The following RNF150 variants were observed in gnomAD, a reference collection of about 807,000 sequenced individuals.
The protein encoded by RNF150 is ring finger protein 150.
Under a neutral mutation model 39.3 loss-of-function variants are expected in RNF150, and 24 were observed. That is an observed-to-expected ratio of 0.61 (90% CI 0.44 to 0.86). RNF150 has a LOEUF of 0.86. Among genes scored for constraint, RNF150 ranks in the 40% least tolerant of loss-of-function variants. The pLI is 0.00. For synonymous variants in RNF150, 255 were observed against 227.3 expected, an observed-to-expected ratio of 1.12 and a Z score of -1.10; for missense variants, 502 against 587.8, an observed-to-expected ratio of 0.85 and a Z score of 1.51.
chr4:141,171,273 G>A (rs1302704714), intron 1 of RNF150, among the ~76,000 whole-genome samples: 1 of 152,192 alleles, frequency 6.6e-6, no homozygotes, highest in African/African-American at 2.4e-5. Flanking sequence ...ATCTTCTCAT[G>A]CTTCCCTGAG....
At chr4:140,935,874 C>T (rs1731846933) in intron 4 of RNF150, among the ~76,000 whole-genome samples, 1 of 152,148 alleles carries the variant, frequency 6.6e-6, no homozygotes, top group African/African-American at 2.4e-5. Flanking sequence ...TGTTTACGTA[C>T]ATACCACCCA....
chr4:140,919,408 C>G (rs1249375150), intron 5 of RNF150, among the ~76,000 whole-genome samples: 8 of 135,748 alleles, frequency 5.9e-5, no homozygotes, highest in East Asian at 2.4e-4. Context: ...AAACAGAGAG[C>G]CAAATCATGA....
rs540126764 is a variant in RNF150 at position 141,093,659 on chromosome 4, A to C, written c.484+38666T>G. Among the ~76,000 whole-genome samples the C allele has an allele frequency of 2.0e-5, 3 of 152,320 alleles. No homozygotes were observed. The East Asian group carries it at 5.8e-4, about 29-fold the overall frequency. On this transcript the variant is annotated intron_variant, in intron 1 of 6. Coordinates refer to ENST00000515673, the MANE Select transcript of RNF150 (RefSeq NM_020724.2). ...TCCTGGGTAGTACATCAAGGCTTTC[A>C]GCAGAAGCAAATCCATATTCTCCTA... is the stretch of plus-strand genomic sequence containing the variant.
intron 1 of RNF150, among the ~76,000 whole-genome samples, chr4:141,088,158 G>C (rs1246861761): frequency 1.3e-5 from 2 of 152,126 alleles, no homozygotes; most frequent in Admixed American, 1.3e-4. Context: ...TGAATTGTAA[G>C]GATCAAATAT....
chr4:141,089,498 G>A (rs544813732), intron 1 of RNF150, among the ~76,000 whole-genome samples: 1 of 152,276 alleles, frequency 6.6e-6, no homozygotes, highest in South Asian at 2.1e-4. Flanking sequence ...TACGACTTGT[G>A]TCAAGAAAAC....
chr4:141,085,631 C>G (rs139433861), intron 1 of RNF150, among the ~76,000 whole-genome samples: 7 of 152,328 alleles, frequency 4.6e-5, no homozygotes, highest in Non-Finnish European at 2.9e-5. Flanking sequence ...CCACTATGCT[C>G]TGTCCAAATT....
At chr4:141,155,969 A>G (rs1225908711) in intron 1 of RNF150, among the ~76,000 whole-genome samples, 3 of 151,912 alleles carry the variant, frequency 2.0e-5, no homozygotes, top group East Asian at 3.9e-4. Flanking sequence ...GGTGAGCCTG[A>G]CCTTCCATCC....
intron 1 of RNF150, among the ~76,000 whole-genome samples, chr4:141,110,255 C>T (rs1435631885): frequency 1.3e-5 from 2 of 152,166 alleles, no homozygotes; most frequent in Non-Finnish European, 2.9e-5. Flanking sequence ...AGAGAAGGCA[C>T]CAGCAGACCC....
intron 4 of RNF150, among the ~76,000 whole-genome samples, chr4:140,936,374 G>GT (rs1156932697): frequency 6.6e-6 from 1 of 152,136 alleles, no homozygotes; most frequent in Non-Finnish European, 1.5e-5. Flanking sequence ...TTCCAAAGCT[G>GT]TTGTGCTATT....
intron 1 of RNF150, among the ~76,000 whole-genome samples, chr4:141,057,539 C>T (rs1399452255): frequency 1.3e-5 from 2 of 151,996 alleles, no homozygotes; most frequent in Non-Finnish European, 2.9e-5. Flanking sequence ...TTTCATCTCC[C>T]ACCTCCCCAA....
intron 5 of RNF150, among the ~76,000 whole-genome samples, chr4:140,912,755 A>G (rs1451175535): frequency 1.3e-5 from 2 of 152,160 alleles, no homozygotes; most frequent in Non-Finnish European, 2.9e-5. Context: ...CTCTAGCTAT[A>G]TTGGAAGTGA....
chr4:140,863,876 A>G lies in RNF150; in HGVS notation c.*4385T>C, dbSNP rs1369351400. The G allele has an allele frequency of 6.6e-6, 1 of 152,180 alleles. No individual in the cohort carries two copies. The highest frequency in any genetic ancestry group is 1.5e-5 in the Non-Finnish European group (1 of 68,038). 9.4% of individuals were successfully genotyped at this position (152,180 alleles called of 1,614,324 possible). On this transcript the variant is annotated 3_prime_UTR_variant, in exon 7 of 7. Transcript: ENST00000515673. ...AGGGTGATACATTCAATGGATAACT[A>G]AATGTCATTTAATTTTTTATGCTCT... is the stretch of plus-strand genomic sequence containing the variant.
At chr4:141,211,528 G>A (rs1287133410) in intron 1 of RNF150, among the ~76,000 whole-genome samples, 3 of 152,086 alleles carry the variant, frequency 2.0e-5, no homozygotes, top group African/African-American at 7.2e-5. Context: ...TTTCTTCCAA[G>A]TACAACCATT....
At chr4:141,150,788 A>T (rs1159617746) in intron 1 of RNF150, among the ~76,000 whole-genome samples, 1 of 152,312 alleles carries the variant, frequency 6.6e-6, no homozygotes, top group Non-Finnish European at 1.5e-5. Context: ...TTTCATCCAC[A>T]TTCTTTATTT....
intron 1 of RNF150, among the ~76,000 whole-genome samples, chr4:141,083,173 G>C (rs1172752220): frequency 6.6e-6 from 1 of 152,086 alleles, no homozygotes; most frequent in Non-Finnish European, 1.5e-5. Flanking sequence ...CCAAATAATA[G>C]TACTACATAA....
intron 1 of RNF150, among the ~76,000 whole-genome samples, chr4:141,204,763 T>C (rs1728345869): frequency 6.6e-6 from 1 of 152,234 alleles, no homozygotes; most frequent in Non-Finnish European, 1.5e-5. Flanking sequence ...TTATGCTTTT[T>C]TGCACATTTT....
At chr4:141,059,322 A>G (rs1027239930) in intron 1 of RNF150, among the ~76,000 whole-genome samples, 9 of 152,232 alleles carry the variant, frequency 5.9e-5, no homozygotes, top group East Asian at 1.9e-4. Context: ...ACACATTCCA[A>G]TGATTTTGGT....
intron 1 of RNF150, among the ~76,000 whole-genome samples, chr4:141,108,700 A>G (rs1042253242): frequency 1.3e-5 from 2 of 152,192 alleles, no homozygotes; most frequent in African/African-American, 4.8e-5. Context: ...TGAGTGCCAT[A>G]TTTATCCCTA....
At chr4:141,067,886 G>T (rs1384489506) in intron 1 of RNF150, among the ~76,000 whole-genome samples, 2 of 151,720 alleles carry the variant, frequency 1.3e-5, no homozygotes, top group Non-Finnish European at 1.5e-5. Context: ...TGAAAATTAA[G>T]TATTTCTATT....
Sources: gnomAD v4.1 joint callset for allele counts (sites outside exome capture counted in the v4.1 genomes callset) on GRCh38, gnomAD v4.1.1 for gene constraint, MANE v1.5 for transcripts, NCBI Gene and HGNC (gene_info 2026-07-23, HGNC 2026-07-21) for gene names.